Variants in TLN2 observed in about 807,000 individuals in gnomAD.
The protein encoded by TLN2 is talin 2, also known as talin-2.
Under a neutral mutation model 294.7 loss-of-function variants are expected in TLN2, and 118 were observed. The ratio of observed to expected loss-of-function variants is 0.40; its 90% CI spans 0.34 to 0.47. The LOEUF is 0.47. Ranked by LOEUF, TLN2 falls within the 20% of genes least tolerant of loss-of-function variation. The probability of loss-of-function intolerance (pLI) is 0.84; values close to 1 mark genes in which losing one functional copy is unlikely to be tolerated. For missense variants in TLN2, 3,083 were observed against 3,282.2 expected (o/e 0.94, Z 1.48); for synonymous variants, 1,431 against 1,304.5 (o/e 1.10, Z -2.09).
In TLN2 at chr15:62,555,347, T is replaced by G. The variant is rs576182392; in HGVS notation, c.-237-34340T>G. Among the ~76,000 whole-genome samples the G allele has an allele frequency of 2.0e-5, 3 of 152,352 alleles. No individual in the cohort carries two copies. In the East Asian group the frequency reaches 5.8e-4, roughly 29 times the overall value. On this transcript the variant is annotated intron_variant, in intron 1 of 58. Coordinates refer to ENST00000636159, the MANE Select transcript of TLN2 (RefSeq NM_015059.3). Reference sequence around the variant, plus strand: ...AGTGTTCCTTTATATTAACCTTTTTTTGTCTGAAGATTTTTATTTATAGCA... The same window carrying G: ...AGTGTTCCTTTATATTAACCTTTTTGTGTCTGAAGATTTTTATTTATAGCA...
At chr15:62,683,933 G>A (rs2057078474) in intron 11 of TLN2, 1 of 152,220 alleles carries the variant, frequency 6.6e-6, no homozygotes, top group African/African-American at 2.4e-5. Flanking sequence ...CTCTGCACCG[G>A]GGAAGACCTT....
rs148264437 is a variant in TLN2 at position 62,708,648 on chromosome 15, G to A, written c.2319G>A (p.Ala773=). 31 of 1,614,220 alleles carry A rather than the reference G, an allele frequency of 1.9e-5. No homozygotes were observed. Among genetic ancestry groups the A allele is most frequent in the East Asian group, 8.9e-5 (4 of 44,882 alleles). The part of the protein sequence containing the change: ...DSELLKQVSA[A]ASVVSQALHD... ...AGCTCCTGAAGCAGGTCAGCGCAGCGGCCAGCGTGGTCAGCCAGGCCCTCC... is the reference window on the plus strand; with the variant it reads ...AGCTCCTGAAGCAGGTCAGCGCAGCAGCCAGCGTGGTCAGCCAGGCCCTCC... Residue 773 remains alanine (A), a synonymous_variant, in exon 21 of 59, where the codon GCG becomes GCA. Transcript: ENST00000636159.
At chr15:62,761,930 C>A in intron 38 of TLN2, 109 bp downstream of exon 38, 1 of 1,410,482 alleles carries the variant, frequency 7.1e-7, no homozygotes, top group Admixed American at 1.7e-5. Flanking sequence ...AACATGTAGG[C>A]TACTGTTACT....
chr15:62,717,702 T>G lies in TLN2; in HGVS notation c.2877+13T>G, dbSNP rs1439987561. 3 of 1,545,864 alleles carry G rather than the reference T, an allele frequency of 1.9e-6. No homozygotes were observed. The highest frequency in any genetic ancestry group is 2.6e-6 in the Non-Finnish European group (3 of 1,149,656). On this transcript the variant is annotated intron_variant, in intron 24 of 58. Transcript: ENST00000636159. Reference sequence around the variant, plus strand: ...CCAGAGTTGCAAGGTGAGGTTCCAGTGCACAGAGAGCCAGGTCAGCTGCAG... The same window carrying G: ...CCAGAGTTGCAAGGTGAGGTTCCAGGGCACAGAGAGCCAGGTCAGCTGCAG...
intron 1 of TLN2, among the ~76,000 whole-genome samples, chr15:62,529,249 A>G (rs750709237): frequency 1.3e-4 from 20 of 152,074 alleles, no homozygotes; most frequent in Non-Finnish European, 2.6e-4. Flanking sequence ...GTGCACCACC[A>G]TGCCCAGCTA....
chr15:62,590,156 CTTT>C (rs1020402259), intron 2 of TLN2, among the ~76,000 whole-genome samples: 1 of 151,710 alleles, frequency 6.6e-6, no homozygotes, highest in African/African-American at 2.4e-5. Flanking sequence ...TTCTAGTGGT[CTTT>C]TTTTTAATTT....
intron 1 of TLN2, among the ~76,000 whole-genome samples, chr15:62,471,960 T>A (rs1183317701): frequency 6.6e-6 from 1 of 152,142 alleles, no homozygotes; most frequent in Non-Finnish European, 1.5e-5. Context: ...ATTTCCTGCC[T>A]CCTTTCTTCC....
intron 12 of TLN2, chr15:62,690,108 CCA>C (rs1231210554): frequency 7.0e-6 from 1 of 141,848 alleles, no homozygotes; most frequent in African/African-American, 2.8e-5. Flanking sequence ...TGACCCCCCC[CCA>C]CCTCCCTCCC....
intron 1 of TLN2, among the ~76,000 whole-genome samples, chr15:62,536,877 T>C (rs2041383687): frequency 6.6e-6 from 1 of 152,242 alleles, no homozygotes; most frequent in South Asian, 2.1e-4. Context: ...ATTAGCATAT[T>C]CATCACCTCA....
chr15:62,636,712 C>G (rs2050416928), intron 3 of TLN2, among the ~76,000 whole-genome samples: 2 of 152,070 alleles, frequency 1.3e-5, no homozygotes, highest in Admixed American at 1.3e-4. Flanking sequence ...GTGCAAGATT[C>G]TTCCATTTTT....
intron 1 of TLN2, among the ~76,000 whole-genome samples, chr15:62,501,262 A>G (rs746441675): frequency 6.6e-6 from 1 of 152,172 alleles, no homozygotes; most frequent in African/African-American, 2.4e-5. Context: ...ATCTTTTGGC[A>G]TCAGGGCTAT....
intron 16 of TLN2, 62 bp from the exon 17 acceptor site, chr15:62,701,044 T>G (rs911625235): frequency 1.3e-5 from 19 of 1,409,570 alleles, no homozygotes; most frequent in African/African-American, 5.7e-5. Context: ...ATGGCGGGGC[T>G]TCTCCGGTCT....
At chr15:62,638,399 C>A in intron 3 of TLN2, 1 of 380,982 alleles carries the variant, frequency 2.6e-6, no homozygotes, top group Non-Finnish European at 5.2e-6. Context: ...GGGGACAAAT[C>A]TTTATGACCA....
intron 29 of TLN2, 110 bp from the exon 30 acceptor site, chr15:62,738,103 TG>T: frequency 1.6e-6 from 2 of 1,256,878 alleles, no homozygotes; most frequent in Non-Finnish European, 1.1e-6. Flanking sequence ...AGGTGGATGC[TG>T]GTGGGTCATT....
chr15:62,553,963 A>G (rs1276915956), intron 1 of TLN2, among the ~76,000 whole-genome samples: 13 of 149,582 alleles, frequency 8.7e-5, no homozygotes, highest in Non-Finnish European at 3.0e-5. Context: ...GCCAGTAGCT[A>G]GAGCTACAGA....
intron 3 of TLN2, among the ~76,000 whole-genome samples, chr15:62,632,122 C>T (rs371832626): frequency 2.0e-5 from 3 of 152,206 alleles, no homozygotes; most frequent in South Asian, 2.1e-4. Flanking sequence ...TTCTAGACAG[C>T]CCCAGCGCCT....
At chr15:62,840,164 C>A (rs939651946) in intron 58 of TLN2, among the ~76,000 whole-genome samples, 1 of 152,208 alleles carries the variant, frequency 6.6e-6, no homozygotes, top group Admixed American at 6.5e-5. Context: ...ACAGGGCATG[C>A]TTCACAGGGC....
At position 62,828,887 on chromosome 15, in the gene TLN2, G is replaced by T. The variant is rs1042951576; in HGVS notation, c.7003-4617G>T. ...TTGAATAAAACACAGTCTCACCCTG[G>T]AGGGGATCACAGGCTGGTAGGTTTA... On this transcript the variant is annotated intron_variant, in intron 54 of 58. Transcript: ENST00000636159. The T allele has an allele frequency of 2.0e-5, 3 of 152,128 alleles. No individual in the cohort carries two copies. The South Asian group carries it at 6.2e-4, about 32-fold the overall frequency. The allele number at this position is 152,128 out of a possible 1,614,324, so 9.4% of individuals were successfully genotyped here. A position where few individuals can be genotyped will look rare whatever the true frequency, so the allele number is the denominator to read the frequency against.
Position 62,752,407 on chromosome 15 carries a change from C to T in TLN2, c.4312C>T (p.Leu1438=). ...VGIASKALCG[L]TEAAAQAAYL... ...GATTGCATCCAAGGCTCTCTGTGGG[C>T]TGACAGAGGCTGCAGCCCAGGTAAG... The change falls in exon 35 of 59, where the codon CTG becomes TTG. Residue 1438 remains leucine (L), a synonymous_variant. Transcript: ENST00000636159. 1 of 1,614,136 alleles carries T rather than the reference C, an allele frequency of 6.2e-7. No homozygotes were observed. Among genetic ancestry groups the T allele is most frequent in the Non-Finnish European group, 8.5e-7 (1 of 1,180,012 alleles).
Sources: allele counts gnomAD v4.1 joint callset (sites outside exome capture counted in the v4.1 genomes callset), GRCh38; gene constraint gnomAD v4.1.1; transcripts MANE v1.5; gene names NCBI Gene and HGNC (gene_info 2026-07-23, HGNC 2026-07-21).